ENOX1: variants seen among roughly 807,000 people sequenced by gnomAD.
The protein encoded by ENOX1 is candidate growth-related and time keeping constitutive hydroquinone (NADH) oxidase.
ENOX1 carries 42 observed loss-of-function variants against 82.5 expected under a neutral mutation model. That is an observed-to-expected ratio of 0.51 (90% confidence interval 0.40 to 0.66). The LOEUF (loss-of-function observed/expected upper bound fraction) is 0.66, where lower values mean the gene tolerates loss of function less well. ENOX1 is among the 30% of genes least tolerant of loss of function. ENOX1 has a pLI of 0.00. For missense variants in ENOX1, 608 were observed against 811.6 expected (o/e 0.75, Z 3.05); for synonymous variants, 271 against 282.2 (o/e 0.96, Z 0.40).
At chr13:43,495,775 T>C (rs2076772352) in intron 2 of ENOX1, among the ~76,000 whole-genome samples, 1 of 148,644 alleles carries the variant, frequency 6.7e-6, no homozygotes. Flanking sequence ...AATCCTGTAA[T>C]ATGTTATACC....
At chr13:43,459,687 T>C (rs17636554) in intron 3 of ENOX1, among the ~76,000 whole-genome samples, 8,905 of 152,264 alleles carry the variant, frequency 0.058, 358 homozygotes, top group Middle Eastern at 0.11. Flanking sequence ...TCCTTTGTTT[T>C]CTCTTTGTAA....
In ENOX1 at chr13:43,616,204, A is replaced by ATATATATATATATATATTTTTTT. The variant is rs1457149422; in HGVS notation, c.-219+51274_-219+51275insAAAAAAATATATATATATATATA. On this transcript the variant is annotated intron_variant, in intron 2 of 16. Coordinates refer to ENST00000690772, the MANE Select transcript of ENOX1 (RefSeq NM_001347969.2). Reference sequence around the variant, plus strand: ...TATCTATCTATATATATATATATATATTTTTTTTTTTTTTTTAGGACGGAG... The same window carrying ATATATATATATATATATTTTTTT: ...TATCTATCTATATATATATATATATATATATATATATATATATTTTTTTTTTTTTTTTTTTTTTTAGGACGGAG... Among the ~76,000 whole-genome samples the ATATATATATATATATATTTTTTT allele has an allele frequency of 6.5e-4, 10 of 15,296 alleles. 1 individual carries two copies. Among genetic ancestry groups the ATATATATATATATATATTTTTTT allele is most frequent in the Non-Finnish European group, 1.3e-3 (6 of 4,800 alleles). 10.0% of individuals were successfully genotyped at this position (15,296 alleles called of 152,430 possible). A position where few individuals can be genotyped will look rare whatever the true frequency, so the allele number is the denominator to read the frequency against.
intron 5 of ENOX1, among the ~76,000 whole-genome samples, chr13:43,365,901 G>T (rs1438760079): frequency 6.6e-6 from 1 of 152,222 alleles, no homozygotes; most frequent in Non-Finnish European, 1.5e-5. Context: ...GACTTGTGCA[G>T]GGCACAGAGA....
At position 43,278,183 on chromosome 13, in the gene ENOX1, T is replaced by G. The variant is rs1363335696; in HGVS notation, c.1447-8606A>C. Among the ~76,000 whole-genome samples the G allele has an allele frequency of 2.6e-5, 4 of 152,222 alleles. No homozygotes were observed. The South Asian group carries it at 8.3e-4, about 32-fold the overall frequency. ...TACTGTTAAGATTTAATAATATGTATGTAATCTTCAAATTAGCATATTCTG... is the reference window on the plus strand; with the variant it reads ...TACTGTTAAGATTTAATAATATGTAGGTAATCTTCAAATTAGCATATTCTG... On this transcript the variant is annotated intron_variant, in intron 12 of 16. Transcript: ENST00000690772.
At chr13:43,470,782 T>C (rs2058036015) in intron 3 of ENOX1, among the ~76,000 whole-genome samples, 1 of 151,926 alleles carries the variant, frequency 6.6e-6, no homozygotes. Flanking sequence ...TTTCGACATA[T>C]TAGTCATCAA....
intron 1 of ENOX1, among the ~76,000 whole-genome samples, chr13:43,749,623 A>G (rs1352796280): frequency 6.6e-6 from 1 of 152,184 alleles, no homozygotes; most frequent in Non-Finnish European, 1.5e-5. Context: ...GCAAGGTTTG[A>G]CTTAATTTAA....
intron 2 of ENOX1, among the ~76,000 whole-genome samples, chr13:43,493,902 G>A (rs1442840354): frequency 6.6e-6 from 1 of 152,186 alleles, no homozygotes; most frequent in African/African-American, 2.4e-5. Flanking sequence ...TCACAGTTCT[G>A]CATGGCTGGG....
At chr13:43,359,643 G>A (rs968338795) in intron 7 of ENOX1, 1 of 574,186 alleles carries the variant, frequency 1.7e-6, no homozygotes, top group African/African-American at 1.9e-5. Flanking sequence ...CCTAAAGACT[G>A]GATGGTGGGA....
At chr13:43,264,878 C>A (rs1169038870) in intron 14 of ENOX1, among the ~76,000 whole-genome samples, 1 of 152,118 alleles carries the variant, frequency 6.6e-6, no homozygotes, top group Non-Finnish European at 1.5e-5. Context: ...GATCTTGTAC[C>A]ATCACACATT....
intron 1 of ENOX1, among the ~76,000 whole-genome samples, chr13:43,754,123 T>A (rs1950498058): frequency 7.3e-6 from 1 of 136,410 alleles, no homozygotes; most frequent in Non-Finnish European, 1.6e-5. Context: ...TACATAAGTA[T>A]ACGTATATAC....
At chr13:43,762,282 C>T (rs1414815557) in intron 1 of ENOX1, among the ~76,000 whole-genome samples, 1 of 152,178 alleles carries the variant, frequency 6.6e-6, no homozygotes, top group South Asian at 2.1e-4. Flanking sequence ...CCCATTGCTC[C>T]CTGTGCTGTC....
intron 2 of ENOX1, among the ~76,000 whole-genome samples, chr13:43,525,640 A>C (rs1443380194): frequency 6.6e-6 from 1 of 152,046 alleles, no homozygotes; most frequent in Non-Finnish European, 1.5e-5. Context: ...CCTAACCAAC[A>C]CTTATTTGGT....
At chr13:43,244,717 G>A (rs1264745158) in intron 14 of ENOX1, among the ~76,000 whole-genome samples, 2 of 152,144 alleles carry the variant, frequency 1.3e-5, no homozygotes, top group African/African-American at 4.8e-5. Flanking sequence ...AGCTGCTAGT[G>A]CAAGATGAGT....
chr13:43,780,097 C>G (rs1018124760), intron 1 of ENOX1, among the ~76,000 whole-genome samples: 8 of 150,914 alleles, frequency 5.3e-5, no homozygotes, highest in Non-Finnish European at 2.9e-5. Context: ...GGAGGCAGAG[C>G]TTGCAGTGAG....
At chr13:43,600,471 CAGG>C (rs1397206467) in intron 2 of ENOX1, among the ~76,000 whole-genome samples, 1 of 152,170 alleles carries the variant, frequency 6.6e-6, no homozygotes, top group Admixed American at 6.5e-5. Context: ...AGGGAAGATT[CAGG>C]AGGACTTTCC....
At chr13:43,591,035 G>T (rs946266895) in intron 2 of ENOX1, among the ~76,000 whole-genome samples, 2 of 152,136 alleles carry the variant, frequency 1.3e-5, no homozygotes, top group Admixed American at 1.3e-4. Flanking sequence ...ATTGAATACA[G>T]GTGGGAATTT....
chr13:43,376,334 G>A (rs539379829), intron 5 of ENOX1, among the ~76,000 whole-genome samples: 48 of 152,288 alleles, frequency 3.2e-4, no homozygotes, highest in African/African-American at 1.2e-3. Context: ...TTGGATGTAT[G>A]AAGTGTGTAT....
intron 15 of ENOX1, among the ~76,000 whole-genome samples, chr13:43,234,790 T>A (rs1298681706): frequency 6.6e-6 from 1 of 152,230 alleles, no homozygotes; most frequent in African/African-American, 2.4e-5. Context: ...TTAAAAATAT[T>A]TGAAGTAGCC....
intron 9 of ENOX1, among the ~76,000 whole-genome samples, chr13:43,342,203 C>T (rs1594043200): frequency 6.6e-6 from 1 of 152,172 alleles, no homozygotes; most frequent in African/African-American, 2.4e-5. Context: ...TTCTGTTACT[C>T]ACATGTGGAT....
Sources: gnomAD v4.1 joint callset for allele counts (sites outside exome capture counted in the v4.1 genomes callset) on GRCh38, gnomAD v4.1.1 for gene constraint, MANE v1.5 for transcripts, NCBI Gene and HGNC (gene_info 2026-07-23, HGNC 2026-07-21) for gene names.